Variants in FBN2 observed in about 807,000 individuals in gnomAD.
FBN2 encodes the protein fibrillin-2.
Under a neutral mutation model 355.6 loss-of-function variants are expected in FBN2, and 105 were observed. The observed-to-expected ratio is 0.30, with a 90% CI of 0.25 to 0.35. FBN2 has a LOEUF of 0.35. Among genes scored for constraint, FBN2 ranks in the 10% least tolerant of loss-of-function variants. The pLI, the probability that FBN2 is intolerant of heterozygous loss-of-function variation, is 1.00. For synonymous variants in FBN2, 1,350 were observed against 1,301.2 expected (o/e 1.04, Z -0.81); for missense variants, 3,280 against 3,758.7 (o/e 0.87, Z 3.33).
At chr5:128,365,628 A>G (rs939010622) in intron 17 of FBN2, among the ~76,000 whole-genome samples, 17 of 151,370 alleles carry the variant, frequency 1.1e-4, no homozygotes, top group African/African-American at 4.1e-4. Flanking sequence ...TTTCTCAAAC[A>G]CAAGGGTAGA....
chr5:128,414,406 T>C (rs534579100), intron 7 of FBN2, among the ~76,000 whole-genome samples: 1 of 152,306 alleles, frequency 6.6e-6, no homozygotes, highest in South Asian at 2.1e-4. Context: ...TCTGGCTTCT[T>C]TCACTTAGTT....
At chr5:128,380,661 C>A (rs1233791671) in intron 11 of FBN2, among the ~76,000 whole-genome samples, 1 of 152,050 alleles carries the variant, frequency 6.6e-6, no homozygotes, top group Non-Finnish European at 1.5e-5. Flanking sequence ...AGTGACTTTA[C>A]AATTCCATAT....
chr5:128,262,834 C>T (rs1765008970), intron 63 of FBN2, among the ~76,000 whole-genome samples: 1 of 152,184 alleles, frequency 6.6e-6, no homozygotes, highest in Non-Finnish European at 1.5e-5. Context: ...TGGAAGAATG[C>T]AAATGGCCAG....
chr5:128,345,613 G>A lies in FBN2; in HGVS notation c.2990-29C>T, dbSNP rs201291070. Reference sequence around the variant, plus strand: ...CACCGAGAACGAAATCACAGGGTGAGAATGAGTTGAAACATCCATTGAACA... The same window carrying A: ...CACCGAGAACGAAATCACAGGGTGAAAATGAGTTGAAACATCCATTGAACA... On this transcript the variant is annotated intron_variant, in intron 23 of 64. Coordinates refer to ENST00000262464, the MANE Select transcript of FBN2 (RefSeq NM_001999.4). The A allele has an allele frequency of 9.7e-5, 152 of 1,573,312 alleles. No individual in the cohort carries two copies. The African/African-American group carries it at 1.9e-3, about 20-fold the overall frequency.
chr5:128,453,624 G>A (rs2127068010), intron 6 of FBN2, among the ~76,000 whole-genome samples: 1 of 151,986 alleles, frequency 6.6e-6, no homozygotes, highest in South Asian at 2.1e-4. Context: ...TTTTACTTAT[G>A]TTTTCTTTTT....
chr5:128,316,536 A>C (rs1750207500), intron 36 of FBN2, among the ~76,000 whole-genome samples: 1 of 152,158 alleles, frequency 6.6e-6, no homozygotes, highest in Admixed American at 6.6e-5. Context: ...TCATAAACTA[A>C]AATTGATTAT....
At chr5:128,264,501 C>A (rs1446286448) in intron 62 of FBN2, among the ~76,000 whole-genome samples, 1 of 152,188 alleles carries the variant, frequency 6.6e-6, no homozygotes, top group East Asian at 1.9e-4. Flanking sequence ...GTTATACTTT[C>A]AGTTACTATT....
chr5:128,485,804 T>C (rs1370568768), intron 5 of FBN2, among the ~76,000 whole-genome samples: 2 of 152,158 alleles, frequency 1.3e-5, no homozygotes, highest in East Asian at 3.9e-4. Context: ...TCTGAAGCAA[T>C]AGTTTTCAAA....
chr5:128,306,218 C>A (rs1411160750), intron 42 of FBN2, among the ~76,000 whole-genome samples: 2 of 152,166 alleles, frequency 1.3e-5, no homozygotes, highest in African/African-American at 4.8e-5. Flanking sequence ...GGCAATCAAA[C>A]CCCTTCTTCA....
intron 8 of FBN2, among the ~76,000 whole-genome samples, chr5:128,407,716 C>T (rs1039140107): frequency 6.6e-6 from 1 of 152,164 alleles, no homozygotes. Flanking sequence ...AGGCCACAGT[C>T]CTTTTATTGG....
chr5:128,357,374 T>C lies in FBN2; in HGVS notation c.2576A>G (p.Asn859Ser). 1 of 1,613,874 alleles carries C rather than the reference T, an allele frequency of 6.2e-7. No individual in the cohort carries two copies. The highest frequency in any genetic ancestry group is 8.5e-7 in the Non-Finnish European group (1 of 1,179,782). ...TCTGCAGGCCCCATTGACACATGGG[T>C]TGCTTTCACATTCATTTATATCTAC... ...TCEDINECESNPCVNGACRNN... is the reference protein window; with the variant it reads ...TCEDINECESSPCVNGACRNN... Residue 859 changes from asparagine to serine, a missense_variant, in exon 20 of 65, where the codon AAC (asparagine) becomes AGC (serine). Physicochemically the swap from Asn to Ser is conservative, Grantham distance 46. Transcript: ENST00000262464.
intron 19 of FBN2, among the ~76,000 whole-genome samples, chr5:128,358,219 C>T (rs1462001640): frequency 6.6e-6 from 1 of 151,956 alleles, no homozygotes; most frequent in African/African-American, 2.4e-5. Context: ...ATACAAGCTT[C>T]AGGTAAAGTA....
intron 55 of FBN2, among the ~76,000 whole-genome samples, chr5:128,282,059 CTTGA>C (rs1035291089): frequency 3.9e-5 from 6 of 152,050 alleles, no homozygotes; most frequent in African/African-American, 9.7e-5. Context: ...TGTTTTCATA[CTTGA>C]TTGAGTATAG....
Position 128,269,283 on chromosome 5 carries a change from G to A in FBN2, c.7960+2716C>T, listed in dbSNP as rs7448940. Among the ~76,000 whole-genome samples, 20 of 145,144 alleles carry A rather than the reference G, an allele frequency of 1.4e-4. No homozygotes were observed. The East Asian group carries it at 1.4e-3, about 10-fold the overall frequency. ...TACAATAATAATAATAATAATAATA[G>A]TAATAATAATAATAATAATAATAAA... On this transcript the variant is annotated intron_variant, in intron 62 of 64. Transcript: ENST00000262464.
At chr5:128,305,704 C>T in intron 43 of FBN2, 68 bp from the exon 44 acceptor site, 16 of 1,601,392 alleles carry the variant, frequency 1.0e-5, no homozygotes, top group Non-Finnish European at 1.3e-5. Context: ...ATTCACGTCA[C>T]ACTTTGATGA....
chr5:128,391,929 T>TA, intron 11 of FBN2, 89 bp downstream of exon 11: 6 of 1,275,842 alleles, frequency 4.7e-6, no homozygotes, highest in Non-Finnish European at 5.7e-6. Context: ...TCAAAAGACT[T>TA]AAAAAAATCA....
At position 128,277,997 on chromosome 5, in the gene FBN2, C is replaced by T. The variant is rs1336403840; in HGVS notation, c.7354G>A (p.Glu2452Lys). The change falls in exon 58 of 65, where the codon GAA becomes AAA. Residue 2452 changes from glutamate (E) to lysine (K), a missense_variant. This residue lies in a region of FBN2 where 2,284 missense variants were observed against 2,749.5 expected (regional missense o/e 0.83). Coordinates refer to ENST00000262464, the MANE Select transcript of FBN2 (RefSeq NM_001999.4). ...CAGAGGTTTGGCATTACCTTACATT[C>T]ATCAATATCTGTGGACCAAAACAAC... ...GYTTDGRDID[E>K]CKVMPNLCTN... 3 of 1,613,888 alleles carry T rather than the reference C, an allele frequency of 1.9e-6. No individual in the cohort carries two copies. Among genetic ancestry groups the T allele is most frequent in the East Asian group, 4.5e-5 (2 of 44,870 alleles).
intron 19 of FBN2, 48 bp downstream of exon 19, chr5:128,361,675 C>G (rs2126936921): frequency 6.2e-7 from 1 of 1,605,312 alleles, no homozygotes; most frequent in Non-Finnish European, 8.5e-7. Flanking sequence ...GTTTATACAA[C>G]TCCAGGTACT....
chr5:128,531,741 T>TATAC (rs1440720664), intron 2 of FBN2, among the ~76,000 whole-genome samples: 5 of 149,858 alleles, frequency 3.3e-5, no homozygotes, highest in African/African-American at 1.2e-4. Flanking sequence ...TATATATATA[T>TATAC]ACACACACAT....
Sources: allele counts gnomAD v4.1 joint callset (sites outside exome capture counted in the v4.1 genomes callset), GRCh38; gene constraint gnomAD v4.1.1; regional missense constraint gnomAD v4.1.1; transcripts MANE v1.5; gene names NCBI Gene and HGNC (gene_info 2026-07-23, HGNC 2026-07-21).